C8orf58: variants seen among roughly 807,000 people sequenced by gnomAD.
C8orf58 encodes the protein chromosome 8 open reading frame 58.
C8orf58 carries 31 observed loss-of-function variants against 36.8 expected under a neutral mutation model. The observed-to-expected ratio is 0.84, with a 90% CI of 0.63 to 1.14. C8orf58 has a LOEUF of 1.14. Among genes scored for constraint, C8orf58 ranks in the 50% most tolerant of loss-of-function variants. The probability of loss-of-function intolerance (pLI) is 0.00; values close to 1 mark genes in which losing one functional copy is unlikely to be tolerated. For missense variants in C8orf58, 538 were observed against 480.8 expected (o/e 1.12, Z -1.11); for synonymous variants, 230 against 200.2 (o/e 1.15, Z -1.26).
intron 1 of C8orf58, chr8:22,600,500 C>T: frequency 4.3e-6 from 1 of 231,496 alleles, no homozygotes; most frequent in Non-Finnish European, 8.5e-6. Flanking sequence ...CTCCCTGAAG[C>T]TGGATACAGT....
chr8:22,601,593 G>A (rs1266587776), intron 2 of C8orf58, 119 bp from the exon 3 acceptor site: 21 of 1,268,196 alleles, frequency 1.7e-5, no homozygotes, highest in African/African-American at 7.5e-5. Flanking sequence ...AGCCGGCTGC[G>A]TGTGTTCCTC....
intron 6 of C8orf58, 25 bp from the exon 7 acceptor site, chr8:22,603,170 C>T (rs1318417679): frequency 6.5e-7 from 1 of 1,530,430 alleles, no homozygotes; most frequent in Non-Finnish European, 9.1e-7. Flanking sequence ...CCCTTCTAGC[C>T]TAATGTCTTC....
At position 22,602,048 on chromosome 8, in the gene C8orf58, C is replaced by T. The variant is rs1312322824; in HGVS notation, c.734C>T (p.Pro245Leu). The T allele has an allele frequency of 1.3e-6, 2 of 1,580,106 alleles. No individual in the cohort carries two copies. The highest frequency in any genetic ancestry group is 1.8e-5 in the Admixed American group (1 of 57,100). The part of the protein sequence containing the change: ...LHTPGNRGQG[P>L]WELLSQTEHT... ...ACCCCAGGCAATCGGGGGCAGGGGCCATGGGAGCTGCTAAGCCAGACAGAG... is the reference window on the plus strand; with the variant it reads ...ACCCCAGGCAATCGGGGGCAGGGGCTATGGGAGCTGCTAAGCCAGACAGAG... The change falls in exon 4 of 7, where the codon CCA becomes CTA. Residue 245 changes from proline to leucine, a missense_variant. Physicochemically the swap from Pro to Leu is moderately conservative, Grantham distance 98 (BLOSUM62 -3). Coordinates refer to ENST00000289989, the MANE Select transcript of C8orf58 (RefSeq NM_001013842.3).
chr8:22,603,576 A>G lies in C8orf58; in HGVS notation c.*270A>G. ...CCACAATGTGAACTCACTCATTGTC[A>G]GGTGTCCGTGGAGTGTTTTTGGCAT... is the stretch of plus-strand genomic sequence containing the variant. On this transcript the variant is annotated 3_prime_UTR_variant, in exon 7 of 7. Coordinates refer to ENST00000289989, the MANE Select transcript of C8orf58 (RefSeq NM_001013842.3). 2 of 517,416 alleles carry G rather than the reference A, an allele frequency of 3.9e-6. No individual in the cohort carries two copies. Among genetic ancestry groups the G allele is most frequent in the Non-Finnish European group, 7.0e-6 (2 of 284,622 alleles). The allele number at this position is 517,416 out of a possible 1,614,324, so 32.1% of individuals were successfully genotyped here.
rs964497075 is a variant in C8orf58 at position 22,603,257 on chromosome 8, C to T, written c.1049C>T (p.Pro350Leu). 3 of 1,613,988 alleles carry T rather than the reference C, an allele frequency of 1.9e-6. No homozygotes were observed. The East Asian group carries it at 6.7e-5, about 36-fold the overall frequency. ...CGCCCCCACCGGAAGACCTTTATGC[C>T]ATCATTAGTGGTTAAGAAGCAACGA... Reference protein sequence around the residue: ...QCRPHRKTFMPSLVVKKQRAK... With the variant: ...QCRPHRKTFMLSLVVKKQRAK... The change falls in exon 7 of 7, where the codon CCA becomes CTA. Residue 350 changes from proline (P) to leucine (L), a missense_variant. Physicochemically the swap from Pro to Leu is moderately conservative, Grantham distance 98. Transcript: ENST00000289989.
rs1215780660 is a variant in C8orf58, at chr8:22,601,137, C to A, written c.296C>A (p.Ser99Tyr). Residue 99 changes from serine to tyrosine, a missense_variant, in exon 2 of 7, where the codon TCT becomes TAT. By Grantham distance (144) the Ser-to-Tyr change is moderately radical. Coordinates refer to ENST00000289989, the MANE Select transcript of C8orf58 (RefSeq NM_001013842.3). ...DSLDFESSGS[S>Y]EPPAQVGRLL... ...CTGGACTTTGAATCCTCAGGGAGTT[C>A]TGAGCCCCCCGCCCAGGTAGGCCGA... 6.8e-6 allele frequency: 11 copies of A among 1,611,358 alleles called. No homozygotes were observed. The highest frequency in any genetic ancestry group is 9.3e-6 in the Non-Finnish European group (11 of 1,179,762).
chr8:22,602,007 A>G lies in C8orf58; in HGVS notation c.693A>G (p.Leu231=). 6.4e-7 allele frequency: 1 copy of G among 1,569,196 alleles called. No homozygotes were observed. ...AGGAGGAGTCGACCCGAGCCCCTTT[A>G]CCGTCCCCGTTACACACCCCAGGCA... ...PGEEESTRAP[L]PSPLHTPGNR... The change falls in exon 4 of 7, where the codon TTA becomes TTG. Residue 231 remains leucine, a synonymous_variant. Coordinates refer to ENST00000289989, the MANE Select transcript of C8orf58 (RefSeq NM_001013842.3).
At chr8:22,601,392 G>A in intron 2 of C8orf58, 35 bp downstream of exon 2, 1 of 1,471,670 alleles carries the variant, frequency 6.8e-7, no homozygotes, top group Non-Finnish European at 9.2e-7. Context: ...TTTAAGAGTG[G>A]GATGGACAGC....
intron 2 of C8orf58, 72 bp from the exon 3 acceptor site, chr8:22,601,640 C>T: frequency 2.0e-6 from 3 of 1,506,932 alleles, no homozygotes; most frequent in South Asian, 1.3e-5. Flanking sequence ...CTGGCTGAGC[C>T]CAGCCTGGCT....
intron 6 of C8orf58, chr8:22,602,908 C>T (rs1298791280): frequency 1.7e-6 from 1 of 584,854 alleles, no homozygotes; most frequent in East Asian, 2.8e-5. Flanking sequence ...TCTGCCTACC[C>T]TAGCTCAGCA....
chr8:22,603,619 C>T lies in C8orf58; in HGVS notation c.*313C>T. 2.3e-6 allele frequency: 1 copy of T among 443,874 alleles called. No homozygotes were observed. Among genetic ancestry groups the T allele is most frequent in the Non-Finnish European group, 4.2e-6 (1 of 237,788 alleles). 27.5% of individuals were successfully genotyped at this position (443,874 alleles called of 1,614,324 possible). ...TTTGGCATGGTGACCTGTCTGGGCCCAGCATGTTGCAGATGTGTATTTATG... is the reference window on the plus strand; with the variant it reads ...TTTGGCATGGTGACCTGTCTGGGCCTAGCATGTTGCAGATGTGTATTTATG... On this transcript the variant is annotated 3_prime_UTR_variant, in exon 7 of 7. Coordinates refer to ENST00000289989, the MANE Select transcript of C8orf58 (RefSeq NM_001013842.3).
intron 1 of C8orf58, 138 bp from the exon 2 acceptor site, chr8:22,600,744 G>C: frequency 1.5e-6 from 1 of 677,670 alleles, no homozygotes; most frequent in Non-Finnish European, 2.5e-6. Context: ...GGCCATATCC[G>C]GGCTGCCCGT....
chr8:22,599,690 C>T lies in C8orf58; in HGVS notation c.-31C>T, dbSNP rs1183286044. 2 of 1,185,462 alleles carry T rather than the reference C, an allele frequency of 1.7e-6. No homozygotes were observed. The highest frequency in any genetic ancestry group is 4.2e-5 in the South Asian group (1 of 23,572). The allele number at this position is 1,185,462 out of a possible 1,614,324, so 73.4% of individuals were successfully genotyped here. On this transcript the variant is annotated 5_prime_UTR_variant, in exon 1 of 7. Transcript: ENST00000289989. The stretch of plus-strand genomic sequence containing the variant: ...TCGGGCCGGGATCCTCGGGCGGCTG[C>T]ATTGGCCGGGGCCGGGGCCGGGAGC...
At chr8:22,602,161 T>C in intron 4 of C8orf58, 39 bp from the exon 5 acceptor site, 2 of 1,561,946 alleles carry the variant, frequency 1.3e-6, no homozygotes, top group Non-Finnish European at 1.7e-6. Flanking sequence ...CTTGATGGGG[T>C]GTCTTCTGGC....
intron 5 of C8orf58, 55 bp downstream of exon 5, chr8:22,602,367 G>GGGGGGGGGGGGGGGC: frequency 2.7e-6 from 3 of 1,111,526 alleles, no homozygotes; most frequent in African/African-American, 1.6e-5. Flanking sequence ...GGGAGGGGAG[G>GGGGGGGGGGGGGGGC]TGGGGGATGC....
chr8:22,603,076 C>G (rs1800917791), intron 6 of C8orf58, 119 bp from the exon 7 acceptor site: 1 of 726,946 alleles, frequency 1.4e-6, no homozygotes, highest in Admixed American at 2.3e-5. Context: ...CATTTAACAG[C>G]CCCGGGCTGC....
chr8:22,602,775 G>C (rs1023113030), intron 6 of C8orf58, 132 bp downstream of exon 6: 1 of 633,684 alleles, frequency 1.6e-6, no homozygotes, highest in African/African-American at 1.8e-5. Flanking sequence ...GCTGCTAGAA[G>C]AAACAGTAGT....
Position 22,600,994 on chromosome 8 carries a change from G to C in C8orf58, c.153G>C (p.Lys51Asn), listed in dbSNP as rs1371516604. ...HGCSSWERGDKFRGVGREALF... is the reference protein window; with the variant it reads ...HGCSSWERGDNFRGVGREALF... ...GCTCATCCTGGGAGAGAGGTGACAA[G>C]TTCAGAGGTGTCGGCAGGGAGGCAC... Residue 51 changes from lysine (K) to asparagine (N), a missense_variant, in exon 2 of 7, where the codon AAG becomes AAC. Physicochemically the swap from Lys to Asn is moderately conservative, Grantham distance 94. Coordinates refer to ENST00000289989, the MANE Select transcript of C8orf58 (RefSeq NM_001013842.3). 1.2e-6 allele frequency: 2 copies of C among 1,612,780 alleles called. No homozygotes were observed. The highest frequency in any genetic ancestry group is 1.7e-6 in the Non-Finnish European group (2 of 1,180,020).
Position 22,601,750 on chromosome 8 carries a change from C to G in C8orf58, c.555C>G (p.Pro185=), listed in dbSNP as rs528754663. 16 of 1,611,824 alleles carry G rather than the reference C, an allele frequency of 9.9e-6. No homozygotes were observed. The highest frequency in any genetic ancestry group is 8.9e-5 in the East Asian group (4 of 44,852). Residue 185 remains proline, a synonymous_variant, in exon 3 of 7, where the codon CCC becomes CCG. Coordinates refer to ENST00000289989, the MANE Select transcript of C8orf58 (RefSeq NM_001013842.3). ...GGCCTGGAGCCTGGGCCTGCCTCCC[C>G]GGGCAGGGTCTTCGCTATCTGGAAC... ...GLGPGAWACL[P]GQGLRYLEHL...
Sources: gnomAD v4.1 joint callset for allele counts on GRCh38, gnomAD v4.1.1 for gene constraint, MANE v1.5 for transcripts, NCBI Gene and HGNC (gene_info 2026-07-23, HGNC 2026-07-21) for gene names.